NFXL1: variants seen among roughly 807,000 people sequenced by gnomAD.
NFXL1 encodes the protein nuclear transcription factor, X-box binding like 1, also known as NF-X1-type zinc finger protein NFXL1.
In NFXL1, 66 loss-of-function variants were observed where a neutral mutation model predicts 123.3. That is an observed-to-expected ratio of 0.54 (90% CI 0.44 to 0.66). NFXL1 has a LOEUF of 0.66. Ranked by LOEUF, NFXL1 falls within the 30% of genes least tolerant of loss-of-function variation. NFXL1 has a pLI of 0.00. For missense variants in NFXL1, 944 were observed against 1,125.6 expected, an observed-to-expected ratio of 0.84 and a Z score of 2.31; for synonymous variants, 346 against 360.8, an observed-to-expected ratio of 0.96 and a Z score of 0.46.
Position 47,899,442 on chromosome 4 carries a change from A to C in NFXL1, c.754T>G (p.Ser252Ala), listed in dbSNP as rs1337230793. The change falls in exon 6 of 23, where the codon TCA becomes GCA. Residue 252 changes from serine (S) to alanine (A), a missense_variant. Ser to Ala is a moderately conservative substitution (Grantham distance 99). Around this residue, in one of 4 missense-constraint regions of NFXL1, gnomAD observed 296 missense variants for 395.1 expected, o/e 0.75. Coordinates refer to ENST00000507489, the MANE Select transcript of NFXL1 (RefSeq NM_001278624.2). ...PPLDPWLVPH[S>A]CGQVCEREFK... ...TCACGCTCACATACTTGGCCACATG[A>C]ATGAGGCACAAGCCACGGATCTAAA... 2 of 1,613,524 alleles carry C rather than the reference A, an allele frequency of 1.2e-6. No individual in the cohort carries two copies. The highest frequency in any genetic ancestry group is 1.7e-6 in the Non-Finnish European group (2 of 1,179,478).
chr4:47,855,658 C>T (rs1195397791), intron 19 of NFXL1, among the ~76,000 whole-genome samples: 1 of 152,022 alleles, frequency 6.6e-6, no homozygotes, highest in Non-Finnish European at 1.5e-5. Context: ...ACCTACCTTC[C>T]CTGTACTGCA....
chr4:47,889,650 C>T (rs571063932), intron 12 of NFXL1, among the ~76,000 whole-genome samples: 17 of 152,294 alleles, frequency 1.1e-4, no homozygotes, highest in African/African-American at 3.1e-4. Context: ...ATTTCTTACT[C>T]TAAGTCCACG....
Position 47,862,851 on chromosome 4 carries a change from T to C in NFXL1, c.2311A>G (p.Lys771Glu), listed in dbSNP as rs1198225026. The C allele has an allele frequency of 6.5e-7, 1 of 1,548,448 alleles. No homozygotes were observed. ...AAGGTTCTACTAAAGCTTACCTCTT[T>C]AGGGCACTGATTTTTGCAACAACTG... ...LLSCCKNQCP[K>E]ELPCGHRCKE... Residue 771 changes from lysine (K) to glutamate (E), a missense_variant, in exon 19 of 23, where the codon AAA becomes GAA. Physicochemically the swap from Lys to Glu is moderately conservative, Grantham distance 56. Coordinates refer to ENST00000507489, the MANE Select transcript of NFXL1 (RefSeq NM_001278624.2).
In NFXL1 at chr4:47,847,393, A is replaced by AT. The variant is rs1460666929; in HGVS notation, c.*769dup. On this transcript the variant is annotated 3_prime_UTR_variant, in exon 23 of 23. Transcript: ENST00000507489. Reference sequence around the variant, plus strand: ...TATTTTCAGCTGAAATCTATTTAAGATTGTGGTAAGGAGAAACGAGATTAA... The same window carrying AT: ...TATTTTCAGCTGAAATCTATTTAAGATTTGTGGTAAGGAGAAACGAGATTAA... 6.6e-6 allele frequency: 1 copy of AT among 152,198 alleles called. No individual in the cohort carries two copies. Among genetic ancestry groups the AT allele is most frequent in the East Asian group, 1.9e-4 (1 of 5,200 alleles). 9.4% of individuals were successfully genotyped at this position (152,198 alleles called of 1,614,324 possible).
At chr4:47,853,060 T>C (rs1194168273) in intron 20 of NFXL1, among the ~76,000 whole-genome samples, 1 of 151,906 alleles carries the variant, frequency 6.6e-6, no homozygotes, top group East Asian at 1.9e-4. Context: ...ATAAGAAAAT[T>C]AACATGAACA....
chr4:47,849,112 TAAGA>T (rs1733974400), intron 22 of NFXL1, among the ~76,000 whole-genome samples: 1 of 152,126 alleles, frequency 6.6e-6, no homozygotes, highest in African/African-American at 2.4e-5. Flanking sequence ...TAGTGGCTTT[TAAGA>T]AAGAAATTCA....
chr4:47,914,562 G>A lies in NFXL1; in HGVS notation c.-200C>T. ...GTCACAGACTGACCCTGCGTCTCCC[G>A]CCGGGAACCAACTGCAGTGGTACAC... On this transcript the variant is annotated 5_prime_UTR_variant, in exon 1 of 23. Coordinates refer to ENST00000507489, the MANE Select transcript of NFXL1 (RefSeq NM_001278624.2). 1 of 224,188 alleles carries A rather than the reference G, an allele frequency of 4.5e-6. No homozygotes were observed. Among genetic ancestry groups the A allele is most frequent in the Non-Finnish European group, 8.7e-6 (1 of 114,614 alleles). 13.9% of individuals were successfully genotyped at this position (224,188 alleles called of 1,614,324 possible). A position where few individuals can be genotyped will look rare whatever the true frequency, so the allele number is the denominator to read the frequency against.
In NFXL1 at chr4:47,899,084, G is replaced by A; in HGVS notation, c.863C>T (p.Thr288Ile). ...AGGTTTTGCTTTCTTACAGTAACAA[G>A]TAGTTGTGACCATCTTTGGACAAGG... ...CPPCPKMVTT[T>I]CYCKKAKPIP... The change falls in exon 7 of 23, where the codon ACT (threonine) becomes ATT (isoleucine). Residue 288 changes from threonine (T) to isoleucine (I), a missense_variant. By Grantham distance (89) the Thr-to-Ile change is moderately conservative. Coordinates refer to ENST00000507489, the MANE Select transcript of NFXL1 (RefSeq NM_001278624.2). The A allele has an allele frequency of 6.4e-7, 1 of 1,557,872 alleles. No individual in the cohort carries two copies. The highest frequency in any genetic ancestry group is 1.1e-5 in the South Asian group (1 of 90,088).
At chr4:47,900,428 C>T (rs1306858608) in intron 5 of NFXL1, among the ~76,000 whole-genome samples, 1 of 152,174 alleles carries the variant, frequency 6.6e-6, no homozygotes. Flanking sequence ...CCAGGCTGGT[C>T]TTAACTCCTG....
intron 14 of NFXL1, 82 bp downstream of exon 14, chr4:47,885,416 T>C (rs1736368889): frequency 2.0e-5 from 22 of 1,116,696 alleles, no homozygotes; most frequent in South Asian, 1.2e-4. Flanking sequence ...TGCTTAATCA[T>C]TGCTCATTGA....
intron 5 of NFXL1, among the ~76,000 whole-genome samples, chr4:47,900,622 C>CTT (rs1737317923): frequency 6.6e-6 from 1 of 152,194 alleles, no homozygotes; most frequent in Admixed American, 6.5e-5. Flanking sequence ...AAGTGTTAAC[C>CTT]TTCAGCTCTA....
At chr4:47,859,886 A>G (rs1234546720) in intron 19 of NFXL1, among the ~76,000 whole-genome samples, 1 of 149,884 alleles carries the variant, frequency 6.7e-6, no homozygotes. Flanking sequence ...AAACAAAAAA[A>G]GTAGAAATAC....
In NFXL1 at chr4:47,878,664, A is replaced by G. The variant is rs1735897981; in HGVS notation, c.1940T>C (p.Val647Ala). The change falls in exon 17 of 23, where the codon GTG becomes GCG. Residue 647 changes from valine (V) to alanine (A), a missense_variant and splice_region_variant. Physicochemically the swap from Val to Ala is moderately conservative, Grantham distance 64. This residue lies in a region of NFXL1 where 301 missense variants were observed against 348.0 expected (regional missense o/e 0.86). Coordinates refer to ENST00000507489, the MANE Select transcript of NFXL1 (RefSeq NM_001278624.2). ...IPMECLGKHEVSPLPCHAVGP... is the reference protein window; with the variant it reads ...IPMECLGKHEASPLPCHAVGP... ...TACAGCATGGCATGGTAGTGGACTC[A>G]CCTTAAAAAATAAAGGAAATCAGCA... is the stretch of plus-strand genomic sequence containing the variant. 1.3e-6 allele frequency: 2 copies of G among 1,527,072 alleles called. No individual in the cohort carries two copies. The highest frequency in any genetic ancestry group is 2.6e-5 in the South Asian group (2 of 75,902). The allele number at this position is 1,527,072 out of a possible 1,614,324, so 94.6% of individuals were successfully genotyped here. A position where few individuals can be genotyped will look rare whatever the true frequency, so the allele number is the denominator to read the frequency against.
chr4:47,897,358 T>C (rs1227025067), intron 9 of NFXL1, among the ~76,000 whole-genome samples: 1 of 152,156 alleles, frequency 6.6e-6, no homozygotes, highest in Non-Finnish European at 1.5e-5. Flanking sequence ...ACCTGTAACA[T>C]AAACATATTG....
rs1037501993 is a variant in NFXL1, at chr4:47,847,786, A to C, written c.*377T>G. The C allele has an allele frequency of 6.4e-6, 1 of 155,834 alleles. No individual in the cohort carries two copies. The highest frequency in any genetic ancestry group is 2.1e-4 in the South Asian group (1 of 4,862). 9.7% of individuals were successfully genotyped at this position (155,834 alleles called of 1,614,324 possible). A position where few individuals can be genotyped will look rare whatever the true frequency, so the allele number is the denominator to read the frequency against. ...CTCTATCATAAGTAACCAAAACATTAAGAAATATTTCTCTTACTGCAGATA... is the reference window on the plus strand; with the variant it reads ...CTCTATCATAAGTAACCAAAACATTCAGAAATATTTCTCTTACTGCAGATA... On this transcript the variant is annotated 3_prime_UTR_variant, in exon 23 of 23. Transcript: ENST00000507489.
Position 47,885,936 on chromosome 4 carries a change from G to A in NFXL1, c.1607C>T (p.Thr536Ile), listed in dbSNP as rs146822487. The A allele has an allele frequency of 1.9e-6, 3 of 1,613,380 alleles. No individual in the cohort carries two copies. The South Asian group carries it at 3.3e-5, about 18-fold the overall frequency. Residue 536 changes from threonine to isoleucine, a missense_variant, in exon 13 of 23, where the codon ACA becomes ATA. Physicochemically the swap from Thr to Ile is moderately conservative, Grantham distance 89. Coordinates refer to ENST00000507489, the MANE Select transcript of NFXL1 (RefSeq NM_001278624.2). The stretch of plus-strand genomic sequence containing the variant: ...GGTACGTTCTCGGCCACAGGGCACT[G>A]TCACCTTTGTATTGCCACAATTACA... ...VKCNCGNTKV[T>I]VPCGRERTTR...
Position 47,908,707 on chromosome 4 carries a change from G to A in NFXL1, c.406+2117C>T, listed in dbSNP as rs375673548. 2.5e-4 allele frequency among the ~76,000 whole-genome samples: 38 copies of A among 152,210 alleles called. 2 individuals are homozygous for A. The East Asian group carries it at 4.6e-3, about 19-fold the overall frequency. Reference sequence around the variant, plus strand: ...GCAATGGCTCACGCCTGTAATCCCAGCACTTTGGGAGGCCGAGGCGGGCGG... The same window carrying A: ...GCAATGGCTCACGCCTGTAATCCCAACACTTTGGGAGGCCGAGGCGGGCGG... On this transcript the variant is annotated intron_variant, in intron 3 of 22. Transcript: ENST00000507489.
At chr4:47,912,369 A>T (rs1737867757) in intron 2 of NFXL1, among the ~76,000 whole-genome samples, 1 of 152,180 alleles carries the variant, frequency 6.6e-6, no homozygotes, top group African/African-American at 2.4e-5. Flanking sequence ...AAGTAAAGAG[A>T]AGCTGACAAG....
At chr4:47,877,904 A>T (rs1393023462) in intron 17 of NFXL1, among the ~76,000 whole-genome samples, 3 of 152,064 alleles carry the variant, frequency 2.0e-5, no homozygotes, top group Non-Finnish European at 4.4e-5. Flanking sequence ...AAGTCTAGAA[A>T]AAAATTATTT....
Sources: gnomAD v4.1 joint callset for allele counts (sites outside exome capture counted in the v4.1 genomes callset) on GRCh38, gnomAD v4.1.1 for gene constraint, gnomAD v4.1.1 regional missense constraint, MANE v1.5 for transcripts, NCBI Gene and HGNC (gene_info 2026-07-23, HGNC 2026-07-21) for gene names.